Variants in ERICH1 observed in about 807,000 individuals in gnomAD.
ERICH1 encodes the protein glutamate rich 1.
In ERICH1, 56 loss-of-function variants were observed where a neutral mutation model predicts 39.6. That is an observed-to-expected ratio of 1.41 (90% CI 1.14 to 1.77). The LOEUF is 1.77. ERICH1 is among the 40% of genes most tolerant of loss of function. The pLI is 0.00. For missense variants in ERICH1, 826 were observed against 575.4 expected, an observed-to-expected ratio of 1.44 and a Z score of -4.45; for synonymous variants, 313 against 223.6, an observed-to-expected ratio of 1.40 and a Z score of -3.57.
chr8:620,520 G>T (rs1364151397), intron 3 of ERICH1, among the ~76,000 whole-genome samples: 1 of 152,110 alleles, frequency 6.6e-6, no homozygotes, highest in Non-Finnish European at 1.5e-5. Context: ...AATGTACACT[G>T]ACCTCCTATA....
intron 3 of ERICH1, among the ~76,000 whole-genome samples, chr8:674,681 T>C (rs1160411464): frequency 6.6e-6 from 1 of 152,260 alleles, no homozygotes; most frequent in Non-Finnish European, 1.5e-5. Flanking sequence ...ATTTCTTTTG[T>C]TCTTTTAAAA....
Position 622,433 on chromosome 8 carries a change from C to T in ERICH1, c.977-7149G>A, listed in dbSNP as rs550729271. ...CCAAGAACTGCCTTCCCTTCTGCTACGTTGAGGATGCAGTGAGAAGACACC... is the reference window on the plus strand; with the variant it reads ...CCAAGAACTGCCTTCCCTTCTGCTATGTTGAGGATGCAGTGAGAAGACACC... On this transcript the variant is annotated intron_variant, in intron 3 of 3. Coordinates refer to the ERICH1 transcript ENST00000522706. 4.8e-4 allele frequency among the ~76,000 whole-genome samples: 73 copies of T among 152,198 alleles called. 1 individual carries two copies. The highest frequency in any genetic ancestry group is 1.7e-3 in the African/African-American group (69 of 41,526).
chr8:681,783 G>C (rs1447190575), intron 3 of ERICH1, among the ~76,000 whole-genome samples: 1 of 152,222 alleles, frequency 6.6e-6, no homozygotes, highest in African/African-American at 2.4e-5. Flanking sequence ...AGCAGAGACT[G>C]CCCGGCTGAG....
chr8:630,111 CCG>C, intron 3 of ERICH1, among the ~76,000 whole-genome samples: 1 of 136,136 alleles, frequency 7.3e-6, no homozygotes, highest in Admixed American at 7.3e-5. Flanking sequence ...TCACACCCTC[CCG>C]TGAGCACCCA....
intron 2 of ERICH1, among the ~76,000 whole-genome samples, chr8:700,454 CCGCACAGG>C (rs2132186101): frequency 8.9e-6 from 1 of 112,472 alleles, no homozygotes; most frequent in South Asian, 3.0e-4. Context: ...GGCCACAGAC[CCGCACAGG>C]CGCACAGACC....
At chr8:687,643 C>T (rs1223664902) in intron 3 of ERICH1, among the ~76,000 whole-genome samples, 1 of 152,148 alleles carries the variant, frequency 6.6e-6, no homozygotes, top group African/African-American at 2.4e-5. Context: ...AGGCAGCGCG[C>T]GGGGAGCGCC....
In ERICH1 at chr8:668,585, G is replaced by A. The variant is rs369657391; in HGVS notation, c.1258+13C>T. The A allele has an allele frequency of 3.9e-5, 63 of 1,613,974 alleles. No homozygotes were observed. The highest frequency in any genetic ancestry group is 2.7e-4 in the African/African-American group (20 of 75,044). Reference sequence around the variant, plus strand: ...TCTTAAGCAGGACCTTGAATAAATCGTACGGTACTTACCAGGAGGCATCGT... The same window carrying A: ...TCTTAAGCAGGACCTTGAATAAATCATACGGTACTTACCAGGAGGCATCGT... On this transcript the variant is annotated intron_variant, in intron 5 of 5. Coordinates refer to ENST00000262109, the MANE Select transcript of ERICH1 (RefSeq NM_207332.3).
intron 4 of ERICH1, among the ~76,000 whole-genome samples, chr8:672,667 G>C (rs1443466530): frequency 1.3e-5 from 2 of 152,210 alleles, no homozygotes; most frequent in Non-Finnish European, 2.9e-5. Context: ...GGGCAGCCAC[G>C]TGTCCCTAGG....
intron 3 of ERICH1, among the ~76,000 whole-genome samples, chr8:688,237 A>T: frequency 1.1e-5 from 1 of 89,956 alleles, no homozygotes; most frequent in South Asian, 3.9e-4. Flanking sequence ...ACGTTCTCGC[A>T]GAAAAGGTAA....
At position 715,933 on chromosome 8, in the gene ERICH1, G is replaced by T. The variant is rs773567851; in HGVS notation, c.97C>A (p.Leu33Met). ...TTCTTTGGTGGATTTTGGACGGCCAGCGTCTGGGGTTCCCTCTTTCCTTGG... is the reference window on the plus strand; with the variant it reads ...TTCTTTGGTGGATTTTGGACGGCCATCGTCTGGGGTTCCCTCTTTCCTTGG... ...SGQGKREPQT[L>M]AVQNPPKKVT... The change falls in exon 2 of 6, where the codon CTG becomes ATG. Residue 33 changes from leucine (L) to methionine (M), a missense_variant. Transcript: ENST00000262109. 1.3e-5 allele frequency: 21 copies of T among 1,613,938 alleles called. No individual in the cohort carries two copies. In the South Asian group the frequency reaches 2.2e-4, roughly 17 times the overall value.
intron 3 of ERICH1, among the ~76,000 whole-genome samples, chr8:643,705 G>A (rs1290776873): frequency 3.3e-5 from 5 of 152,212 alleles, no homozygotes; most frequent in African/African-American, 1.2e-4. Flanking sequence ...AGCCATCCGC[G>A]ACTTCGGGAG....
At chr8:614,852 G>C (rs1796837803) in exon 4 of ERICH1, 1 of 194,292 alleles carries the variant, frequency 5.1e-6, no homozygotes, top group Non-Finnish European at 1.0e-5. Flanking sequence ...CTTCGTGACA[G>C]GTGGAAGTTG....
intron 3 of ERICH1, among the ~76,000 whole-genome samples, chr8:640,184 A>T (rs1798829844): frequency 6.6e-6 from 1 of 152,200 alleles, no homozygotes; most frequent in Non-Finnish European, 1.5e-5. Context: ...AATGCCGCCT[A>T]ATCAAAGGAC....
At chr8:631,278 C>A (rs1432163925) in intron 3 of ERICH1, among the ~76,000 whole-genome samples, 3 of 152,246 alleles carry the variant, frequency 2.0e-5, no homozygotes, top group African/African-American at 7.2e-5. Flanking sequence ...CCCCGTGCCC[C>A]TGCTCCACCT....
chr8:664,152 A>G, downstream of ERICH1: 1 of 751,728 alleles, frequency 1.3e-6, no homozygotes, highest in Non-Finnish European at 1.6e-6. Context: ...GGTACCTGAT[A>G]TGATTCACAA....
intron 2 of ERICH1, among the ~76,000 whole-genome samples, chr8:694,147 G>A (rs1585375748): frequency 6.6e-6 from 1 of 152,210 alleles, no homozygotes. Context: ...GAATGTAGCT[G>A]TAAAAACCTT....
At chr8:713,364 C>T (rs1815201086) in intron 2 of ERICH1, among the ~76,000 whole-genome samples, 1 of 152,228 alleles carries the variant, frequency 6.6e-6, no homozygotes, top group Admixed American at 6.5e-5. Flanking sequence ...CAGTCATTTA[C>T]TCCTTAATTG....
At chr8:653,124 C>G (rs879824858) in intron 3 of ERICH1, among the ~76,000 whole-genome samples, 2 of 152,184 alleles carry the variant, frequency 1.3e-5, no homozygotes, top group Non-Finnish European at 2.9e-5. Context: ...AAACTGAAAG[C>G]TGGAACTCAA....
At chr8:705,475 G>A (rs545496724) in intron 2 of ERICH1, among the ~76,000 whole-genome samples, 1 of 152,186 alleles carries the variant, frequency 6.6e-6, no homozygotes, top group African/African-American at 2.4e-5. Flanking sequence ...TCAAAAATAT[G>A]TTGTTCATGA....
Sources: gnomAD v4.1 joint callset for allele counts (sites outside exome capture counted in the v4.1 genomes callset) on GRCh38, gnomAD v4.1.1 for gene constraint, MANE v1.5 for transcripts, NCBI Gene and HGNC (gene_info 2026-07-23, HGNC 2026-07-21) for gene names.